Variants in ADAMTS9 observed in about 807,000 individuals in gnomAD.
The protein encoded by ADAMTS9 is ADAM metallopeptidase with thrombospondin type 1 motif 9.
A neutral mutation model predicts 257.1 loss-of-function variants in ADAMTS9; 107 were observed. The observed-to-expected ratio is 0.42, with a 90% CI of 0.36 to 0.49. The LOEUF (loss-of-function observed/expected upper bound fraction) is 0.49. Among genes scored for constraint, ADAMTS9 ranks in the 20% least tolerant of loss-of-function variants. ADAMTS9 has a pLI of 0.03. For missense variants in ADAMTS9, 2,353 were observed against 2,469.1 expected, an observed-to-expected ratio of 0.95 and a Z score of 1.00; for synonymous variants, 982 against 880.9, an observed-to-expected ratio of 1.11 and a Z score of -2.03.
chr3:64,631,383 A>T, intron 16 of ADAMTS9, 72 bp downstream of exon 16: 1 of 1,201,324 alleles, frequency 8.3e-7, no homozygotes, highest in Non-Finnish European at 1.2e-6. Context: ...CATGCCAGAG[A>T]AGGAAGGAAG....
At chr3:64,631,589 T>C in intron 15 of ADAMTS9, 39 bp from the exon 16 acceptor site, 1 of 1,519,910 alleles carries the variant, frequency 6.6e-7, no homozygotes, top group Non-Finnish European at 9.1e-7. Context: ...CTCCACAGAA[T>C]GGTTCACTTT....
intron 30 of ADAMTS9, among the ~76,000 whole-genome samples, chr3:64,552,860 A>G (rs1404761725): frequency 6.6e-6 from 1 of 152,074 alleles, no homozygotes; most frequent in Non-Finnish European, 1.5e-5. Flanking sequence ...CCCAGCTAGC[A>G]CACTGTCTTT....
chr3:64,610,858 C>T (rs557268895), intron 22 of ADAMTS9, among the ~76,000 whole-genome samples: 14 of 152,000 alleles, frequency 9.2e-5, no homozygotes, highest in South Asian at 4.2e-4. Flanking sequence ...GGGCAGATCA[C>T]GAGGTCAGGA....
chr3:64,596,597 T>A (rs1309691407), intron 27 of ADAMTS9, among the ~76,000 whole-genome samples: 2 of 152,282 alleles, frequency 1.3e-5, no homozygotes, highest in East Asian at 3.9e-4. Context: ...TAAACCAGTA[T>A]TTATCTGTAT....
At chr3:64,539,425 T>A (rs1323015671) in intron 36 of ADAMTS9, 131 bp from the exon 37 acceptor site, 1 of 750,338 alleles carries the variant, frequency 1.3e-6, no homozygotes, top group Non-Finnish European at 2.3e-6. Flanking sequence ...AAAGAAGCAA[T>A]GTGAAATATT....
chr3:64,533,326 G>C (rs1322766960), intron 37 of ADAMTS9, 56 bp from the exon 38 acceptor site: 1 of 1,323,710 alleles, frequency 7.6e-7, no homozygotes, highest in Non-Finnish European at 1.1e-6. Flanking sequence ...CCTCAAAAAA[G>C]CAAAGGCAAA....
intron 29 of ADAMTS9, among the ~76,000 whole-genome samples, chr3:64,562,448 T>C (rs1040049452): frequency 2.6e-5 from 4 of 152,188 alleles, no homozygotes; most frequent in Admixed American, 6.5e-5. Flanking sequence ...GCTGACCAAC[T>C]TGCAAAACAC....
intron 3 of ADAMTS9, among the ~76,000 whole-genome samples, chr3:64,673,365 C>A (rs563283297): frequency 1.4e-4 from 22 of 152,152 alleles, no homozygotes; most frequent in Non-Finnish European, 2.8e-4. Flanking sequence ...GCCTTGCAGA[C>A]TGGCCTTGCT....
chr3:64,654,728 A>G, intron 6 of ADAMTS9, 116 bp from the exon 7 acceptor site: 2 of 1,139,834 alleles, frequency 1.8e-6, no homozygotes, highest in Non-Finnish European at 2.5e-6. Context: ...GTGGGGGTTA[A>G]AAAAAGCAAA....
chr3:64,570,739 G>A (rs2083663986), intron 28 of ADAMTS9, among the ~76,000 whole-genome samples: 1 of 143,274 alleles, frequency 7.0e-6, no homozygotes. Flanking sequence ...TTTTTTTGAA[G>A]TAGAAATGAT....
Position 64,549,059 on chromosome 3 carries a change from G to C in ADAMTS9, c.4869+1833C>G, listed in dbSNP as rs934112167. ...GCCTCCAGGTAATAGAGGTCCCAGA[G>C]AGAAGGCATGTCTTCTTTTCTAGAG... is the stretch of plus-strand genomic sequence containing the variant. On this transcript the variant is annotated intron_variant, in intron 31 of 39. Coordinates refer to ENST00000498707, the MANE Select transcript of ADAMTS9 (RefSeq NM_182920.2). Among the ~76,000 whole-genome samples the C allele has an allele frequency of 1.1e-4, 17 of 152,304 alleles. 1 individual carries two copies. The highest frequency in any genetic ancestry group is 7.2e-4 in the Admixed American group (11 of 15,304).
intron 28 of ADAMTS9, among the ~76,000 whole-genome samples, chr3:64,572,475 G>C (rs2083715423): frequency 6.6e-6 from 1 of 152,116 alleles, no homozygotes; most frequent in African/African-American, 2.4e-5. Context: ...TGGTTTTAGG[G>C]ATGCCCCACA....
rs573665681 is a variant in ADAMTS9 at position 64,682,894 on chromosome 3, T to A, written c.517-1531A>T. ...CTTCAAAATTGCCTGGGAAGGTTTT[T>A]TGTTTTTGTTTTTAAATTAGATTTA... On this transcript the variant is annotated intron_variant, in intron 2 of 39. Coordinates refer to ENST00000498707, the MANE Select transcript of ADAMTS9 (RefSeq NM_182920.2). 4.6e-5 allele frequency among the ~76,000 whole-genome samples: 7 copies of A among 152,324 alleles called. No individual in the cohort carries two copies. The South Asian group carries it at 1.2e-3, about 27-fold the overall frequency.
rs189182326 is a variant in ADAMTS9, at chr3:64,636,906, T to C, written c.1857-3027A>G. 2.6e-5 allele frequency among the ~76,000 whole-genome samples: 4 copies of C among 152,318 alleles called. No individual in the cohort carries two copies. The East Asian group carries it at 7.7e-4, about 29-fold the overall frequency. On this transcript the variant is annotated intron_variant, in intron 12 of 39. Transcript: ENST00000498707. ...TTTCCTGATCCCTGGACTATTCTTG[T>C]GTCACTGTCCTACGTTCCAAATTCT...
chr3:64,674,121 A>T (rs1219681945), intron 3 of ADAMTS9, among the ~76,000 whole-genome samples: 1 of 152,090 alleles, frequency 6.6e-6, no homozygotes, highest in East Asian at 1.9e-4. Flanking sequence ...GGAAAGCAGA[A>T]TTTTTATAAG....
At chr3:64,579,963 A>T (rs945985252) in intron 28 of ADAMTS9, among the ~76,000 whole-genome samples, 24 of 152,332 alleles carry the variant, frequency 1.6e-4, no homozygotes, top group African/African-American at 5.8e-4. Context: ...AACTCAGAAT[A>T]CTACACTGCC....
chr3:64,623,364 G>A (rs924527079), intron 16 of ADAMTS9, among the ~76,000 whole-genome samples: 1 of 152,198 alleles, frequency 6.6e-6, no homozygotes, highest in African/African-American at 2.4e-5. Context: ...AGAGAGGCCT[G>A]CAAGCAGCAG....
intron 38 of ADAMTS9, among the ~76,000 whole-genome samples, chr3:64,528,651 C>T (rs2082940152): frequency 6.6e-6 from 1 of 152,174 alleles, no homozygotes; most frequent in East Asian, 1.9e-4. Context: ...AGCCAGCTCC[C>T]TTCCTTAGTC....
chr3:64,603,818 A>G (rs1247020472), intron 25 of ADAMTS9, 104 bp downstream of exon 25: 1 of 1,274,496 alleles, frequency 7.8e-7, no homozygotes. Flanking sequence ...CAGCTCTGAA[A>G]TATTACCCAT....
Sources: gnomAD v4.1 joint callset for allele counts (sites outside exome capture counted in the v4.1 genomes callset) on GRCh38, gnomAD v4.1.1 for gene constraint, MANE v1.5 for transcripts, NCBI Gene and HGNC (gene_info 2026-07-23, HGNC 2026-07-21) for gene names.